ANKRD55: variants seen among roughly 807,000 people sequenced by gnomAD.
ANKRD55 encodes the protein ankyrin repeat domain-containing protein 55.
Under a neutral mutation model 60.6 loss-of-function variants are expected in ANKRD55, and 41 were observed. That is an observed-to-expected ratio of 0.68 (90% confidence interval 0.53 to 0.88). The LOEUF is 0.88. ANKRD55 is among the 40% of genes least tolerant of loss of function. ANKRD55 has a pLI of 0.00. For synonymous variants in ANKRD55, 264 were observed against 290.3 expected, an observed-to-expected ratio of 0.91 and a Z score of 0.92; for missense variants, 732 against 767.6, an observed-to-expected ratio of 0.95 and a Z score of 0.55.
intron 2 of ANKRD55, among the ~76,000 whole-genome samples, chr5:56,186,050 C>T (rs1758965088): frequency 6.6e-6 from 1 of 152,204 alleles, no homozygotes; most frequent in Non-Finnish European, 1.5e-5. Context: ...AGGTCAAATG[C>T]CACTCCTGTG....
chr5:56,137,774 C>T lies in ANKRD55; in HGVS notation c.612+6027G>A, dbSNP rs1182795571. On this transcript the variant is annotated intron_variant, in intron 7 of 11. Coordinates refer to ENST00000341048, the MANE Select transcript of ANKRD55 (RefSeq NM_024669.3). Reference sequence around the variant, plus strand: ...CCTAGAAGAAAATATTTGTAAAAGACGTATCTAATAAAAGACTATTGCCAA... The same window carrying T: ...CCTAGAAGAAAATATTTGTAAAAGATGTATCTAATAAAAGACTATTGCCAA... Among the ~76,000 whole-genome samples, 7 of 152,164 alleles carry T rather than the reference C, an allele frequency of 4.6e-5. 1 individual carries two copies. The highest frequency in any genetic ancestry group is 9.6e-5 in the African/African-American group (4 of 41,538).
intron 2 of ANKRD55, among the ~76,000 whole-genome samples, chr5:56,223,547 A>G (rs1397275471): frequency 6.6e-6 from 1 of 152,238 alleles, no homozygotes; most frequent in Non-Finnish European, 1.5e-5. Flanking sequence ...CAATTAAAAT[A>G]CACAGACTGC....
chr5:56,213,133 T>C (rs1759717947), intron 2 of ANKRD55, among the ~76,000 whole-genome samples: 1 of 152,080 alleles, frequency 6.6e-6, no homozygotes, highest in Non-Finnish European at 1.5e-5. Context: ...GACTAAAGAG[T>C]ATATACAATT....
intron 8 of ANKRD55, among the ~76,000 whole-genome samples, chr5:56,121,224 G>C (rs903863750): frequency 6.6e-6 from 1 of 152,028 alleles, no homozygotes; most frequent in African/African-American, 2.4e-5. Context: ...GGGGTGGGGG[G>C]CTTTAAAAGA....
At chr5:56,139,373 G>A (rs962235126) in intron 7 of ANKRD55, among the ~76,000 whole-genome samples, 9 of 152,134 alleles carry the variant, frequency 5.9e-5, no homozygotes, top group Non-Finnish European at 8.8e-5. Flanking sequence ...CAGTCTAGAA[G>A]GGAAGACACA....
At chr5:56,148,992 T>C (rs990945544) in intron 6 of ANKRD55, among the ~76,000 whole-genome samples, 4 of 152,174 alleles carry the variant, frequency 2.6e-5, no homozygotes, top group African/African-American at 4.8e-5. Flanking sequence ...CCTCTAATCA[T>C]ATATGATCAC....
chr5:56,130,030 A>G (rs189178853), intron 7 of ANKRD55, among the ~76,000 whole-genome samples: 73 of 152,312 alleles, frequency 4.8e-4, no homozygotes, highest in African/African-American at 1.7e-3. Context: ...AACGTGCCTA[A>G]TATCCCTGGC....
At chr5:56,224,102 A>G (rs888084945) in intron 2 of ANKRD55, among the ~76,000 whole-genome samples, 7 of 152,234 alleles carry the variant, frequency 4.6e-5, no homozygotes, top group African/African-American at 1.2e-4. Context: ...GCACTCCTCA[A>G]CAAATGTAAA....
At chr5:56,153,262 AAACAACAAC>A (rs75381532) in intron 6 of ANKRD55, among the ~76,000 whole-genome samples, 33 of 151,608 alleles carry the variant, frequency 2.2e-4, no homozygotes, top group South Asian at 1.2e-3. Context: ...CTTCCACTAA[AAACAACAAC>A]AACAACAACA....
intron 2 of ANKRD55, among the ~76,000 whole-genome samples, chr5:56,209,399 C>T (rs1012567044): frequency 5.3e-5 from 8 of 151,956 alleles, no homozygotes; most frequent in African/African-American, 1.7e-4. Context: ...ATTTCAATAG[C>T]TTACTTTTTG....
At chr5:56,123,003 G>A (rs1223325292) in intron 8 of ANKRD55, among the ~76,000 whole-genome samples, 4 of 151,950 alleles carry the variant, frequency 2.6e-5, no homozygotes, top group Admixed American at 1.3e-4. Flanking sequence ...TGGGCTCAAG[G>A]GATTCATCTG....
chr5:56,131,651 C>G lies in ANKRD55; in HGVS notation c.613-4545G>C, dbSNP rs151305382. On this transcript the variant is annotated intron_variant, in intron 7 of 11. Coordinates refer to ENST00000341048, the MANE Select transcript of ANKRD55 (RefSeq NM_024669.3). Reference sequence around the variant, plus strand: ...TCTCTGCTAAAAATACAAAAATTAGCCGGGTGTGGTGGTGCGTGCCTGTGA... The same window carrying G: ...TCTCTGCTAAAAATACAAAAATTAGGCGGGTGTGGTGGTGCGTGCCTGTGA... Among the ~76,000 whole-genome samples the G allele has an allele frequency of 9.6e-3, 1,453 of 151,614 alleles. 22 individuals are homozygous for G. Among genetic ancestry groups the G allele is most frequent in the African/African-American group, 0.033 (1,383 of 41,328 alleles).
intron 4 of ANKRD55, among the ~76,000 whole-genome samples, chr5:56,172,042 C>G (rs1304662859): frequency 6.6e-6 from 1 of 151,550 alleles, no homozygotes; most frequent in African/African-American, 2.4e-5. Flanking sequence ...TGGCGTGAAC[C>G]CGGGAGGCAG....
At chr5:56,233,212 A>C in intron 1 of ANKRD55, 29 bp downstream of exon 1, 1 of 349,936 alleles carries the variant, frequency 2.9e-6, no homozygotes, top group Non-Finnish European at 5.2e-6. Context: ...AAACTCCAAA[A>C]AGATAGTAAA....
intron 8 of ANKRD55, among the ~76,000 whole-genome samples, chr5:56,118,143 A>G (rs941639401): frequency 6.6e-6 from 1 of 151,308 alleles, no homozygotes; most frequent in African/African-American, 2.4e-5. Context: ...ACTCTGTCTC[A>G]AAAAAAAAGA....
chr5:56,117,668 G>A (rs1281410963), intron 8 of ANKRD55, among the ~76,000 whole-genome samples: 2 of 152,102 alleles, frequency 1.3e-5, no homozygotes, highest in Non-Finnish European at 1.5e-5. Context: ...TGGCCAGGCT[G>A]GTTCTGAACT....
chr5:56,222,575 G>A (rs1187323859), intron 2 of ANKRD55, among the ~76,000 whole-genome samples: 3 of 152,066 alleles, frequency 2.0e-5, no homozygotes, highest in East Asian at 1.9e-4. Flanking sequence ...GAGGATGTTC[G>A]AACCCATCAC....
intron 8 of ANKRD55, among the ~76,000 whole-genome samples, chr5:56,120,879 G>T (rs1383050106): frequency 7.3e-6 from 1 of 137,866 alleles, no homozygotes; most frequent in Non-Finnish European, 1.5e-5. Context: ...TAGCCTGGGC[G>T]ACAGAGGGAG....
chr5:56,158,929 A>G (rs1410084945), intron 6 of ANKRD55, among the ~76,000 whole-genome samples: 1 of 152,158 alleles, frequency 6.6e-6, no homozygotes, highest in Non-Finnish European at 1.5e-5. Context: ...CCTGGGTTCA[A>G]GTGAGCCTCC....
Sources: allele counts gnomAD v4.1 joint callset (sites outside exome capture counted in the v4.1 genomes callset), GRCh38; gene constraint gnomAD v4.1.1; transcripts MANE v1.5; gene names NCBI Gene and HGNC (gene_info 2026-07-23, HGNC 2026-07-21).